LPP: variants seen among roughly 807,000 people sequenced by gnomAD.
LPP encodes the protein lipoma-preferred partner.
LPP carries 38 observed loss-of-function variants against 60.4 expected under a neutral mutation model. The ratio of observed to expected loss-of-function variants is 0.63; its 90% CI spans 0.49 to 0.83. The LOEUF is 0.83. Among genes scored for constraint, LPP ranks in the 40% least tolerant of loss-of-function variants. LPP has a pLI of 0.00. For missense variants in LPP, 902 were observed against 783.6 expected (o/e 1.15, Z -1.80); for synonymous variants, 328 against 290.8 (o/e 1.13, Z -1.30).
chr3:188,722,596 T>C lies in LPP; in HGVS notation c.1240+14203T>C, dbSNP rs183908761. ...TCTTTTAGCAGCTTTAAAATGAGTG[T>C]TATTTTGCCAGAAGAACTAACATAT... is the stretch of plus-strand genomic sequence containing the variant. On this transcript the variant is annotated intron_variant, in intron 8 of 11. Transcript: ENST00000617246. 2.7e-3 allele frequency among the ~76,000 whole-genome samples: 406 copies of C among 152,306 alleles called. 1 individual carries two copies. Among genetic ancestry groups the C allele is most frequent in the African/African-American group, 9.2e-3 (382 of 41,564 alleles).
chr3:188,866,441 G>C, intron 10 of LPP, 63 bp downstream of exon 10: 1 of 1,256,040 alleles, frequency 8.0e-7, no homozygotes, highest in Non-Finnish European at 1.0e-6. Flanking sequence ...CTTACTGCTT[G>C]GCATCTGGGC....
chr3:188,776,245 G>A (rs1418402207), intron 9 of LPP, among the ~76,000 whole-genome samples: 2 of 152,208 alleles, frequency 1.3e-5, no homozygotes, highest in African/African-American at 4.8e-5. Flanking sequence ...GAGGGGACTG[G>A]CATCGAGAAA....
chr3:188,240,707 C>A (rs527823991), intron 2 of LPP, among the ~76,000 whole-genome samples: 1 of 152,272 alleles, frequency 6.6e-6, no homozygotes, highest in African/African-American at 2.4e-5. Context: ...AACACATCAA[C>A]CTTCTTTGGG....
intron 9 of LPP, among the ~76,000 whole-genome samples, chr3:188,785,392 TATATATTCCATC>T (rs1741246270): frequency 5.2e-4 from 4 of 7,696 alleles, no homozygotes; most frequent in East Asian, 0.033. Flanking sequence ...CCATCATATA[TATATATTCCATC>T]ATATATATAT....
intron 7 of LPP, among the ~76,000 whole-genome samples, chr3:188,666,900 A>G (rs1855905125): frequency 6.6e-6 from 1 of 152,208 alleles, no homozygotes; most frequent in Non-Finnish European, 1.5e-5. Flanking sequence ...CATTGGGGAA[A>G]CCTTACCTTA....
chr3:188,560,811 G>T (rs1221697535), intron 6 of LPP, among the ~76,000 whole-genome samples: 1 of 152,062 alleles, frequency 6.6e-6, no homozygotes, highest in Non-Finnish European at 1.5e-5. Context: ...ATAAGTCAGT[G>T]CATTTACCTA....
intron 5 of LPP, among the ~76,000 whole-genome samples, chr3:188,523,674 C>T (rs1819639245): frequency 6.6e-6 from 1 of 152,216 alleles, no homozygotes; most frequent in Non-Finnish European, 1.5e-5. Flanking sequence ...ACTAGATACT[C>T]TCTTGATATT....
chr3:188,368,713 CACACACAGAGAGAG>C (rs1356791885), intron 3 of LPP, among the ~76,000 whole-genome samples: 1 of 117,502 alleles, frequency 8.5e-6, no homozygotes, highest in Non-Finnish European at 1.8e-5. Flanking sequence ...CACACACACA[CACACACAGAGAGAG>C]AGAGAGAGAG....
At chr3:188,374,370 CTCTTT>C (rs901295546) in intron 3 of LPP, among the ~76,000 whole-genome samples, 1 of 151,970 alleles carries the variant, frequency 6.6e-6, no homozygotes, top group African/African-American at 2.4e-5. Context: ...TGTTTGTATC[CTCTTT>C]TATTTCCTTG....
Position 188,462,553 on chromosome 3 carries a change from T to TAA in LPP, c.194-22038_194-22037insAA, listed in dbSNP as rs1183223473. Among the ~76,000 whole-genome samples the TAA allele has an allele frequency of 8.3e-3, 293 of 35,292 alleles. 15 individuals carry two copies. Among genetic ancestry groups the TAA allele is most frequent in the African/African-American group, 0.027 (268 of 9,752 alleles). The allele number at this position is 35,292 out of a possible 152,430, so 23.2% of individuals were successfully genotyped here. A position where few individuals can be genotyped will look rare whatever the true frequency, so the allele number is the denominator to read the frequency against. ...CCAATTTATATGAGCTTTATATATA[T>TAA]ATATATATATATATATATATATATA... On this transcript the variant is annotated intron_variant, in intron 4 of 11. Transcript: ENST00000617246.
intron 8 of LPP, among the ~76,000 whole-genome samples, chr3:188,757,145 G>A (rs1730539140): frequency 1.3e-5 from 2 of 152,156 alleles, no homozygotes; most frequent in African/African-American, 4.8e-5. Context: ...ACATTCCATA[G>A]CACTTTCTTC....
At chr3:188,442,010 A>C (rs1028864416) in intron 4 of LPP, among the ~76,000 whole-genome samples, 8 of 152,244 alleles carry the variant, frequency 5.3e-5, no homozygotes, top group African/African-American at 1.9e-4. Flanking sequence ...CTACAGGGGC[A>C]TCATTGTATC....
At chr3:188,786,382 C>CAAAAAAAAAAAAAAAA (rs57565042) in intron 9 of LPP, among the ~76,000 whole-genome samples, 6 of 76,646 alleles carry the variant, frequency 7.8e-5, no homozygotes, top group African/African-American at 2.9e-4. Flanking sequence ...GACTCCGTCT[C>CAAAAAAAAAAAAAAAA]AAAAAAAAAA....
chr3:188,428,225 C>T (rs908372008), intron 4 of LPP, among the ~76,000 whole-genome samples: 2 of 152,164 alleles, frequency 1.3e-5, no homozygotes, highest in African/African-American at 4.8e-5. Context: ...TGCTTAGACT[C>T]AACCTCTGTG....
chr3:188,289,483 T>C (rs77490638), intron 2 of LPP, among the ~76,000 whole-genome samples: 70 of 152,340 alleles, frequency 4.6e-4, no homozygotes, highest in Non-Finnish European at 8.2e-4. Context: ...CATCATCTCA[T>C]GTAATTTTTT....
rs1438160497 is a variant in LPP at position 188,685,509 on chromosome 3, C to T, written c.1114-22758C>T. ...ATCTGAGGGACCTTGAGCCCCATGC[C>T]AAAGAGTCTGTATACCTTATCTAAT... On this transcript the variant is annotated intron_variant, in intron 7 of 11. Coordinates refer to ENST00000617246, the MANE Select transcript of LPP (RefSeq NM_001375462.1). Among the ~76,000 whole-genome samples the T allele has an allele frequency of 3.9e-5, 6 of 152,044 alleles. No homozygotes were observed. The East Asian group carries it at 1.2e-3, about 29-fold the overall frequency.
chr3:188,545,731 A>C (rs1391543168), intron 6 of LPP, among the ~76,000 whole-genome samples: 1 of 152,106 alleles, frequency 6.6e-6, no homozygotes, highest in Non-Finnish European at 1.5e-5. Flanking sequence ...GATGAGTTCC[A>C]AGGCCAAGTA....
chr3:188,868,649 C>A (rs1317322110), intron 10 of LPP, among the ~76,000 whole-genome samples: 4 of 152,086 alleles, frequency 2.6e-5, no homozygotes, highest in Admixed American at 2.0e-4. Flanking sequence ...TACTAGAATA[C>A]AAAGCAGCTA....
At chr3:188,674,130 T>C (rs1857503475) in intron 7 of LPP, among the ~76,000 whole-genome samples, 2 of 152,122 alleles carry the variant, frequency 1.3e-5, no homozygotes, top group African/African-American at 4.8e-5. Flanking sequence ...TTCTGCCTAT[T>C]GAGTGGCCAC....
Sources: gnomAD v4.1 joint callset for allele counts (sites outside exome capture counted in the v4.1 genomes callset) on GRCh38, gnomAD v4.1.1 for gene constraint, MANE v1.5 for transcripts, NCBI Gene and HGNC (gene_info 2026-07-23, HGNC 2026-07-21) for gene names.